The following PAX3 variants were observed in gnomAD, a reference collection of about 807,000 sequenced individuals.
The protein encoded by PAX3 is paired box 3, also known as paired box protein Pax-3.
PAX3 carries 14 observed loss-of-function variants against 51.6 expected under a neutral mutation model. That is an observed-to-expected ratio of 0.27 (90% CI 0.18 to 0.42). The LOEUF is 0.42. Ranked by LOEUF, PAX3 falls within the 10% of genes least tolerant of loss-of-function variation. The pLI is 1.00. For missense variants in PAX3, 540 were observed against 642.8 expected, an observed-to-expected ratio of 0.84 and a Z score of 1.73; for synonymous variants, 280 against 253.4, an observed-to-expected ratio of 1.11 and a Z score of -1.00.
intron 7 of PAX3, among the ~76,000 whole-genome samples, chr2:222,204,096 A>AT (rs1205729465): frequency 6.6e-6 from 1 of 152,142 alleles, no homozygotes; most frequent in Non-Finnish European, 1.5e-5. Context: ...AATTAGTTAT[A>AT]TTTTTAAAAA....
intron 4 of PAX3, among the ~76,000 whole-genome samples, chr2:222,252,515 T>C (rs902049977): frequency 6.6e-6 from 1 of 152,202 alleles, no homozygotes; most frequent in Admixed American, 6.5e-5. Context: ...TTTATGAATT[T>C]TGTGACAAAC....
At chr2:222,240,776 T>C (rs2106109907) in intron 4 of PAX3, among the ~76,000 whole-genome samples, 1 of 152,324 alleles carries the variant, frequency 6.6e-6, no homozygotes, top group Non-Finnish European at 1.5e-5. Context: ...TATGTGTGTA[T>C]ATGTGTGTAA....
At chr2:222,291,970 GTGT>G (rs1559314391) in intron 4 of PAX3, among the ~76,000 whole-genome samples, 223 of 7,644 alleles carry the variant, frequency 0.029, 2 homozygotes, top group African/African-American at 0.1. Context: ...AGCCTCCAAG[GTGT>G]GTGTGTGTGT....
At chr2:222,240,836 C>T (rs1692986552) in intron 4 of PAX3, among the ~76,000 whole-genome samples, 1 of 152,188 alleles carries the variant, frequency 6.6e-6, no homozygotes, top group South Asian at 2.1e-4. Flanking sequence ...CTACAGTCTC[C>T]TGCAAAAGAT....
In PAX3 at chr2:222,290,934, A is replaced by AC. The variant is rs927150913; in HGVS notation, c.586+3232_586+3233insG. On this transcript the variant is annotated intron_variant, in intron 4 of 8. Transcript: ENST00000392070. ...AGCCTCAGGCAAGGGAGGAAAAAAA[A>AC]AAAGAGGAGAAGAAGGGGGGAGGCG... Among the ~76,000 whole-genome samples the AC allele has an allele frequency of 5.7e-4, 86 of 151,824 alleles. 1 individual carries two copies. Among genetic ancestry groups the AC allele is most frequent in the Non-Finnish European group, 1.0e-3 (70 of 67,878 alleles).
At chr2:222,243,986 G>A (rs1430656) in intron 4 of PAX3, among the ~76,000 whole-genome samples, 35,395 of 152,070 alleles carry the variant, frequency 0.23, 4,957 homozygotes, top group African/African-American at 0.38. Flanking sequence ...CCTAGAGGCC[G>A]TGAAGAGGGG....
At chr2:222,228,433 T>C (rs1423920520) in intron 5 of PAX3, among the ~76,000 whole-genome samples, 1 of 152,198 alleles carries the variant, frequency 6.6e-6, no homozygotes, top group Non-Finnish European at 1.5e-5. Context: ...TTGACATTCA[T>C]TGAGCCAGAT....
chr2:222,285,301 C>T (rs1046946429), intron 4 of PAX3, among the ~76,000 whole-genome samples: 15 of 152,066 alleles, frequency 9.9e-5, no homozygotes, highest in Non-Finnish European at 1.6e-4. Context: ...AATCTATAAT[C>T]GTTTAAAAAT....
intron 4 of PAX3, among the ~76,000 whole-genome samples, chr2:222,266,098 G>C (rs1321438895): frequency 4.6e-5 from 7 of 152,174 alleles, no homozygotes; most frequent in African/African-American, 1.2e-4. Context: ...GGCTTGAAAA[G>C]TGAATATTTG....
In PAX3 at chr2:222,273,103, T is replaced by G. The variant is rs141554058; in HGVS notation, c.586+21064A>C. Among the ~76,000 whole-genome samples the G allele has an allele frequency of 5.3e-3, 812 of 152,356 alleles. 5 individuals carry two copies. Among genetic ancestry groups the G allele is most frequent in the African/African-American group, 0.019 (772 of 41,592 alleles). ...ATGATAAAGAAATAGACTTTTGTTA[T>G]GTAATAAGAACAAATCAGTGTGTGC... On this transcript the variant is annotated intron_variant, in intron 4 of 8. Transcript: ENST00000392070.
chr2:222,298,393 TGG>T, intron 1 of PAX3, 136 bp downstream of exon 1: 1 of 681,408 alleles, frequency 1.5e-6, no homozygotes, highest in East Asian at 2.7e-5. Context: ...CGCCCCCGAC[TGG>T]TGCTTCTTGG....
At chr2:222,291,355 G>A (rs1003687750) in intron 4 of PAX3, among the ~76,000 whole-genome samples, 3 of 152,224 alleles carry the variant, frequency 2.0e-5, no homozygotes, top group African/African-American at 7.2e-5. Context: ...GGAGCTGGAG[G>A]GATGTATCCA....
chr2:222,257,270 C>G (rs970927975), intron 4 of PAX3, among the ~76,000 whole-genome samples: 1 of 151,474 alleles, frequency 6.6e-6, no homozygotes, highest in African/African-American at 2.4e-5. Flanking sequence ...TTGAAATTTA[C>G]CATTATGTTT....
In PAX3 at chr2:222,202,087, G is replaced by A. The variant is rs369886550; in HGVS notation, c.1277C>T (p.Ser426Leu). The change falls in exon 8 of 9, where the codon TCG becomes TTG. Residue 426 changes from serine to leucine, a missense_variant. Ser to Leu is a moderately radical substitution (Grantham distance 145, BLOSUM62 -2). Coordinates refer to ENST00000392070, the MANE Select transcript of PAX3 (RefSeq NM_181458.4). ...TGGLEPTTTV[S>L]ASCSQRLDHM... ...GTCTAGTCTCTGACTGCAGCTGGCC[G>A]ACACCGTGGTGGTAGGTTCCAGACC... 73 of 1,613,864 alleles carry A rather than the reference G, an allele frequency of 4.5e-5. No individual in the cohort carries two copies. The highest frequency in any genetic ancestry group is 5.6e-5 in the Non-Finnish European group (66 of 1,180,004).
rs373007180 is a variant in PAX3, at chr2:222,246,143, T to A, written c.587-13860A>T. ...CTTTCTGAGTTAGGAAAGCCTGCTC[T>A]GAGGGACTGAAGTTGAGGCTGAGGA... On this transcript the variant is annotated intron_variant, in intron 4 of 8. Transcript: ENST00000392070. Among the ~76,000 whole-genome samples the A allele has an allele frequency of 1.1e-3, 169 of 152,334 alleles. 2 individuals are homozygous for A. In the South Asian group the frequency reaches 0.025, roughly 22 times the overall value.
At chr2:222,222,044 G>A (rs965708824) in intron 5 of PAX3, among the ~76,000 whole-genome samples, 1 of 151,910 alleles carries the variant, frequency 6.6e-6, no homozygotes, top group African/African-American at 2.4e-5. Context: ...TTCAACAACA[G>A]CTTTAAGCTC....
At chr2:222,233,643 C>A (rs1371761137) in intron 4 of PAX3, among the ~76,000 whole-genome samples, 1 of 152,050 alleles carries the variant, frequency 6.6e-6, no homozygotes, top group Non-Finnish European at 1.5e-5. Context: ...AAGAGCAGCC[C>A]TCTCCCGGGA....
chr2:222,260,553 T>G (rs1693807229), intron 4 of PAX3, among the ~76,000 whole-genome samples: 2 of 78,180 alleles, frequency 2.6e-5, no homozygotes, highest in African/African-American at 8.6e-5. Context: ...GCAACACAAG[T>G]TTTTTTTTTT....
chr2:222,232,861 A>C (rs1441304794), intron 4 of PAX3: 1 of 154,458 alleles, frequency 6.5e-6, no homozygotes, highest in Non-Finnish European at 1.4e-5. Context: ...TTTATAGACT[A>C]CTGCTCTTAT....
Sources: gnomAD v4.1 joint callset for allele counts (sites outside exome capture counted in the v4.1 genomes callset) on GRCh38, gnomAD v4.1.1 for gene constraint, MANE v1.5 for transcripts, NCBI Gene and HGNC (gene_info 2026-07-23, HGNC 2026-07-21) for gene names.